MYO1D: variants seen among roughly 807,000 people sequenced by gnomAD.
MYO1D encodes myosin ID.
Under a neutral mutation model 122.0 loss-of-function variants are expected in MYO1D, and 83 were observed. The ratio of observed to expected loss-of-function variants is 0.68; its 90% CI spans 0.57 to 0.82. The LOEUF is 0.82. Ranked by LOEUF, MYO1D falls within the 40% of genes least tolerant of loss-of-function variation. The pLI is 0.00. For missense variants in MYO1D, 1,157 were observed against 1,269.5 expected, an observed-to-expected ratio of 0.91 and a Z score of 1.35; for synonymous variants, 464 against 446.9, an observed-to-expected ratio of 1.04 and a Z score of -0.48.
intron 19 of MYO1D, among the ~76,000 whole-genome samples, chr17:32,647,361 G>A (rs1235954626): frequency 6.6e-6 from 1 of 152,178 alleles, no homozygotes; most frequent in African/African-American, 2.4e-5. Flanking sequence ...TAAGCTATAG[G>A]GTGAACAAAG....
chr17:32,628,640 TA>T (rs1211721957), intron 20 of MYO1D, among the ~76,000 whole-genome samples: 1 of 152,208 alleles, frequency 6.6e-6, no homozygotes, highest in Non-Finnish European at 1.5e-5. Context: ...GATTAATTGA[TA>T]ATCCAGTGTG....
chr17:32,867,893 A>G (rs1296033764), intron 1 of MYO1D, among the ~76,000 whole-genome samples: 2 of 149,870 alleles, frequency 1.3e-5, no homozygotes, highest in African/African-American at 4.9e-5. Context: ...ATAGATAATG[A>G]GGAAATTGGT....
At chr17:32,863,907 A>G (rs1164919336) in intron 1 of MYO1D, among the ~76,000 whole-genome samples, 2 of 151,470 alleles carry the variant, frequency 1.3e-5, no homozygotes, top group Non-Finnish European at 2.9e-5. Context: ...GAAGGTAGCC[A>G]TAGCCATGTT....
chr17:32,853,040 A>G (rs190615303), intron 1 of MYO1D, among the ~76,000 whole-genome samples: 2 of 152,340 alleles, frequency 1.3e-5, no homozygotes, highest in Admixed American at 1.3e-4. Context: ...TCGCAAGAAC[A>G]ATAGCCTCAG....
chr17:32,521,675 T>A (rs1045021442), intron 21 of MYO1D, among the ~76,000 whole-genome samples: 1 of 152,118 alleles, frequency 6.6e-6, no homozygotes, highest in Non-Finnish European at 1.5e-5. Context: ...CAGGGCCAGG[T>A]GCGGTGGCGC....
intron 20 of MYO1D, among the ~76,000 whole-genome samples, chr17:32,630,713 T>C (rs1201899894): frequency 3.9e-5 from 6 of 152,066 alleles, no homozygotes; most frequent in Admixed American, 3.3e-4. Flanking sequence ...GCTGGGACTA[T>C]AGGTGCCTGC....
intron 20 of MYO1D, among the ~76,000 whole-genome samples, chr17:32,619,282 T>C (rs1273823720): frequency 6.6e-6 from 1 of 152,190 alleles, no homozygotes; most frequent in East Asian, 1.9e-4. Flanking sequence ...TCCTTTTAAT[T>C]ACTGCTTCAG....
intron 14 of MYO1D, 25 bp downstream of exon 14, chr17:32,738,228 G>T (rs1406134748): frequency 1.3e-6 from 2 of 1,551,692 alleles, no homozygotes; most frequent in Admixed American, 1.9e-5. Context: ...AGTTAAAATG[G>T]ATATTTAGAA....
At chr17:32,757,230 T>G (rs1425220080) in intron 10 of MYO1D, among the ~76,000 whole-genome samples, 1 of 152,166 alleles carries the variant, frequency 6.6e-6, no homozygotes, top group African/African-American at 2.4e-5. Flanking sequence ...ACCTGTAAAC[T>G]GGGTAGTTTT....
intron 1 of MYO1D, among the ~76,000 whole-genome samples, chr17:32,851,445 A>G (rs1193433061): frequency 1.3e-5 from 2 of 152,124 alleles, no homozygotes; most frequent in South Asian, 2.1e-4. Context: ...AAACAACACA[A>G]TATTTTCCAC....
chr17:32,652,249 G>A (rs954858382), intron 19 of MYO1D, among the ~76,000 whole-genome samples: 1 of 152,148 alleles, frequency 6.6e-6, no homozygotes, highest in Non-Finnish European at 1.5e-5. Context: ...GACCAAAAAT[G>A]TCTTCTTACA....
At chr17:32,690,471 G>C (rs1467013184) in intron 16 of MYO1D, among the ~76,000 whole-genome samples, 1 of 152,130 alleles carries the variant, frequency 6.6e-6, no homozygotes, top group Non-Finnish European at 1.5e-5. Flanking sequence ...CACAGCACCT[G>C]ACCGAGTGTT....
At chr17:32,618,598 T>C (rs1244529438) in intron 20 of MYO1D, among the ~76,000 whole-genome samples, 2 of 152,042 alleles carry the variant, frequency 1.3e-5, no homozygotes, top group Non-Finnish European at 2.9e-5. Context: ...CACAGGAAGC[T>C]GGGCCTCCCA....
intron 16 of MYO1D, among the ~76,000 whole-genome samples, chr17:32,676,372 T>A (rs529544447): frequency 6.7e-6 from 1 of 149,604 alleles, no homozygotes; most frequent in South Asian, 2.1e-4. Context: ...TTTTTGTCCA[T>A]AACATGTTCA....
At position 32,870,597 on chromosome 17, in the gene MYO1D, TA is replaced by T. The variant is rs34935920; in HGVS notation, c.95+6180del. The stretch of plus-strand genomic sequence containing the variant: ...ACAGTATTTTGAGAAGATTGTCTGC[TA>T]AAAAAAAAAAAAAAGAAAGAAAAAA... On this transcript the variant is annotated intron_variant, in intron 1 of 21. Transcript: ENST00000318217. 5.9e-3 allele frequency among the ~76,000 whole-genome samples: 822 copies of T among 138,776 alleles called. 5 individuals carry two copies. Among genetic ancestry groups the T allele is most frequent in the African/African-American group, 0.016 (622 of 37,748 alleles). The allele number at this position is 138,776 out of a possible 152,430, so 91.0% of individuals were successfully genotyped here.
chr17:32,661,428 G>A (rs2088563501), intron 16 of MYO1D, among the ~76,000 whole-genome samples: 1 of 152,096 alleles, frequency 6.6e-6, no homozygotes, highest in African/African-American at 2.4e-5. Context: ...TGAGGTGGGA[G>A]GATCACTTGA....
At chr17:32,582,290 G>A (rs2087349600) in intron 21 of MYO1D, among the ~76,000 whole-genome samples, 1 of 152,162 alleles carries the variant, frequency 6.6e-6, no homozygotes, top group Non-Finnish European at 1.5e-5. Flanking sequence ...TAAAAGAAAA[G>A]CATTTTATTG....
chr17:32,876,726 C>T (rs1460620298), intron 1 of MYO1D, 52 bp downstream of exon 1: 8 of 1,429,370 alleles, frequency 5.6e-6, no homozygotes, highest in East Asian at 3.0e-5. Flanking sequence ...GAGGCGCCCC[C>T]TCTCGGGAAA....
intron 1 of MYO1D, among the ~76,000 whole-genome samples, chr17:32,796,478 C>T (rs781460797): frequency 2.0e-5 from 3 of 152,074 alleles, no homozygotes; most frequent in Admixed American, 6.5e-5. Flanking sequence ...GTGGCATGAT[C>T]GCAGCCTCAC....
Sources: allele counts gnomAD v4.1 joint callset (sites outside exome capture counted in the v4.1 genomes callset), GRCh38; gene constraint gnomAD v4.1.1; transcripts MANE v1.5; gene names NCBI Gene and HGNC (gene_info 2026-07-23, HGNC 2026-07-21).